The following GALNT17 variants were observed in gnomAD, a reference collection of about 807,000 sequenced individuals.
GALNT17 encodes the protein UDP-GalNAc:polypeptide N-acetylgalactosaminyltransferase-like 3.
GALNT17 carries 29 observed loss-of-function variants against 63.7 expected under a neutral mutation model. The ratio of observed to expected loss-of-function variants is 0.46; its 90% CI spans 0.34 to 0.62. GALNT17 has a LOEUF of 0.62. Among genes scored for constraint, GALNT17 ranks in the 20% least tolerant of loss-of-function variants. The probability of loss-of-function intolerance (pLI) is 0.01; values close to 1 mark genes in which losing one functional copy is unlikely to be tolerated. For missense variants in GALNT17, 603 were observed against 799.6 expected (o/e 0.75, Z 2.97); for synonymous variants, 305 against 318.3 (o/e 0.96, Z 0.45).
intron 2 of GALNT17, among the ~76,000 whole-genome samples, chr7:71,337,836 C>T (rs969664201): frequency 6.6e-6 from 1 of 151,932 alleles, no homozygotes; most frequent in Non-Finnish European, 1.5e-5. Context: ...CCATTGCACT[C>T]CAGCCTGGGT....
At chr7:71,378,829 A>T (rs1792791362) in intron 2 of GALNT17, among the ~76,000 whole-genome samples, 2 of 151,804 alleles carry the variant, frequency 1.3e-5, no homozygotes, top group Non-Finnish European at 2.9e-5. Context: ...ACAAAAAAAA[A>T]ATAAATAAAT....
At chr7:71,209,968 G>A (rs991496400) in intron 1 of GALNT17, among the ~76,000 whole-genome samples, 2 of 151,884 alleles carry the variant, frequency 1.3e-5, no homozygotes, top group Non-Finnish European at 2.9e-5. Context: ...TGTCACCGAG[G>A]CTGGAGTGCA....
At position 71,335,536 on chromosome 7, in the gene GALNT17, C is replaced by T; in HGVS notation, c.239-14C>T. ...TGGTTTTCTAATAATTCTTTTTTCT[C>T]CCACTTTTTCTAGGCTTATCCAAAT... On this transcript the variant is annotated splice_polypyrimidine_tract_variant and intron_variant, in intron 1 of 10. Coordinates refer to ENST00000333538, the MANE Select transcript of GALNT17 (RefSeq NM_022479.3). The T allele has an allele frequency of 1.3e-6, 2 of 1,544,152 alleles. No individual in the cohort carries two copies. Among genetic ancestry groups the T allele is most frequent in the East Asian group, 2.3e-5 (1 of 43,028 alleles).
chr7:71,141,268 G>C (rs1453737696), intron 1 of GALNT17, among the ~76,000 whole-genome samples: 2 of 152,066 alleles, frequency 1.3e-5, no homozygotes, highest in African/African-American at 4.8e-5. Flanking sequence ...TCGGGGGGCT[G>C]AGGCAGGAGA....
intron 1 of GALNT17, among the ~76,000 whole-genome samples, chr7:71,146,506 C>G (rs2116195877): frequency 6.6e-6 from 1 of 152,272 alleles, no homozygotes; most frequent in South Asian, 2.1e-4. Context: ...AAATTATCTC[C>G]CGCTTAGCAG....
At chr7:71,419,227 G>A (rs551793657) in intron 4 of GALNT17, among the ~76,000 whole-genome samples, 2 of 152,320 alleles carry the variant, frequency 1.3e-5, no homozygotes, top group East Asian at 3.9e-4. Flanking sequence ...CATCAAAGAG[G>A]TAGTGGAGCT....
chr7:71,563,142 AGCTATTAG>A, intron 5 of GALNT17, among the ~76,000 whole-genome samples: 1 of 152,246 alleles, frequency 6.6e-6, no homozygotes, highest in East Asian at 1.9e-4. Flanking sequence ...TCTGTAATGG[AGCTATTAG>A]GCTTTGGCAG....
At chr7:71,610,843 A>G (rs1790114327) in intron 6 of GALNT17, among the ~76,000 whole-genome samples, 1 of 151,830 alleles carries the variant, frequency 6.6e-6, no homozygotes, top group African/African-American at 2.4e-5. Context: ...AAAATAAGCC[A>G]GGCATGGTGG....
chr7:71,709,721 C>T (rs987506823), intron 9 of GALNT17, among the ~76,000 whole-genome samples: 1 of 152,110 alleles, frequency 6.6e-6, no homozygotes, highest in Non-Finnish European at 1.5e-5. Flanking sequence ...GCCTCAGCCT[C>T]CTGAATAGCT....
At chr7:71,252,332 C>T (rs1790213685) in intron 1 of GALNT17, among the ~76,000 whole-genome samples, 1 of 151,928 alleles carries the variant, frequency 6.6e-6, no homozygotes, top group Admixed American at 6.6e-5. Flanking sequence ...TGAGACCAGC[C>T]TGGCCAACAT....
At chr7:71,200,976 A>G (rs951113208) in intron 1 of GALNT17, among the ~76,000 whole-genome samples, 2 of 151,922 alleles carry the variant, frequency 1.3e-5, no homozygotes, top group African/African-American at 2.4e-5. Context: ...CACTCTTGAT[A>G]TAGTTAGTCA....
chr7:71,439,437 G>A (rs754705103), intron 5 of GALNT17, among the ~76,000 whole-genome samples: 2 of 152,160 alleles, frequency 1.3e-5, no homozygotes, highest in African/African-American at 2.4e-5. Context: ...CTGCTAGATA[G>A]CTTTCCTTTG....
At chr7:71,201,235 T>TTTTATATATATATATATATATA (rs1554338071) in intron 1 of GALNT17, among the ~76,000 whole-genome samples, 1 of 84,112 alleles carries the variant, frequency 1.2e-5, no homozygotes, top group African/African-American at 8.2e-5. Flanking sequence ...GTGTGTGTGT[T>TTTTATATATATATATATATATA]TATTTTTATA....
chr7:71,362,982 T>C (rs1321915304), intron 2 of GALNT17, among the ~76,000 whole-genome samples: 1 of 152,070 alleles, frequency 6.6e-6, no homozygotes, highest in Non-Finnish European at 1.5e-5. Context: ...TCTTTTTTTT[T>C]TTGAGGCAGA....
At chr7:71,617,692 G>C (rs1272861606) in intron 6 of GALNT17, among the ~76,000 whole-genome samples, 1 of 151,490 alleles carries the variant, frequency 6.6e-6, no homozygotes, top group African/African-American at 2.4e-5. Flanking sequence ...ACCCAGGCTG[G>C]AGTGCTGTGG....
intron 3 of GALNT17, among the ~76,000 whole-genome samples, chr7:71,408,790 T>C (rs1793374678): frequency 6.6e-6 from 1 of 152,096 alleles, no homozygotes; most frequent in Non-Finnish European, 1.5e-5. Flanking sequence ...GGAGGATCGC[T>C]TGAGCTCAGG....
chr7:71,562,638 C>T (rs572411705), intron 5 of GALNT17, among the ~76,000 whole-genome samples: 5 of 152,194 alleles, frequency 3.3e-5, no homozygotes, highest in East Asian at 1.9e-4. Flanking sequence ...AGAGCTCAGG[C>T]GGTAATGCGA....
intron 1 of GALNT17, among the ~76,000 whole-genome samples, chr7:71,174,721 C>A (rs1407752433): frequency 1.3e-5 from 2 of 152,042 alleles, no homozygotes; most frequent in African/African-American, 4.8e-5. Context: ...GTGCATTGAT[C>A]AGTTAGGGTG....
At chr7:71,625,007 A>G (rs1413601073) in intron 6 of GALNT17, among the ~76,000 whole-genome samples, 2 of 152,212 alleles carry the variant, frequency 1.3e-5, no homozygotes, top group Non-Finnish European at 2.9e-5. Context: ...GCGTCATAGC[A>G]TAATTATAAA....
Sources: gnomAD v4.1 joint callset for allele counts (sites outside exome capture counted in the v4.1 genomes callset) on GRCh38, gnomAD v4.1.1 for gene constraint, MANE v1.5 for transcripts, NCBI Gene and HGNC (gene_info 2026-07-23, HGNC 2026-07-21) for gene names.